TESK2: variants seen among roughly 807,000 people sequenced by gnomAD.
TESK2 encodes the protein dual specificity testis-specific protein kinase 2.
Under a neutral mutation model 57.1 loss-of-function variants are expected in TESK2, and 39 were observed. The observed-to-expected ratio is 0.68, with a 90% confidence interval of 0.53 to 0.89. TESK2 has a LOEUF of 0.89. Among genes scored for constraint, TESK2 ranks in the 40% least tolerant of loss-of-function variants. TESK2 has a pLI of 0.00. For synonymous variants in TESK2, 249 were observed against 267.9 expected, an observed-to-expected ratio of 0.93 and a Z score of 0.69; for missense variants, 646 against 732.1, an observed-to-expected ratio of 0.88 and a Z score of 1.36.
chr1:45,490,686 G>T lies in TESK2; in HGVS notation c.-87+166C>A, dbSNP rs542974658. Among the ~76,000 whole-genome samples, 346 of 152,254 alleles carry T rather than the reference G, an allele frequency of 2.3e-3. 1 individual carries two copies. The highest frequency in any genetic ancestry group is 3.4e-3 in the Middle Eastern group (1 of 294). On this transcript the variant is annotated intron_variant, in intron 1 of 10. Coordinates refer to ENST00000372086, the MANE Select transcript of TESK2 (RefSeq NM_007170.3). ...GGAAAGGGGAAAGCGGCCAGGAAGG[G>T]AGCGTCCGCCGCCGCTGAGAGGGGG...
rs560813743 is a variant in TESK2, at chr1:45,428,371, C to T, written c.223-6525G>A. On this transcript the variant is annotated intron_variant, in intron 2 of 10. Transcript: ENST00000372086. ...AGACCAACTGATTCAAGAAAAAAAG[C>T]ACTGTGTGAACATTGCATAAATATT... Among the ~76,000 whole-genome samples, 6 of 152,186 alleles carry T rather than the reference C, an allele frequency of 3.9e-5. No homozygotes were observed. The South Asian group carries it at 1.2e-3, about 32-fold the overall frequency.
chr1:45,419,511 A>AAT (rs1650376640), intron 3 of TESK2, among the ~76,000 whole-genome samples: 1 of 152,026 alleles, frequency 6.6e-6, no homozygotes, highest in Admixed American at 6.6e-5. Context: ...ATGCTCAAAA[A>AAT]ATGTGTTAAT....
chr1:45,354,277 C>T (rs952251489), intron 5 of TESK2, among the ~76,000 whole-genome samples: 14 of 151,838 alleles, frequency 9.2e-5, no homozygotes, highest in Non-Finnish European at 4.4e-5. Context: ...ACTGCTTGAG[C>T]TCACAAGTTT....
At chr1:45,395,313 A>C (rs1649313700) in intron 3 of TESK2, among the ~76,000 whole-genome samples, 1 of 152,214 alleles carries the variant, frequency 6.6e-6, no homozygotes, top group Admixed American at 6.5e-5. Flanking sequence ...TATTGATCCT[A>C]GGCTACAAGC....
chr1:45,395,004 T>G (rs1649302939), intron 3 of TESK2, among the ~76,000 whole-genome samples: 1 of 152,102 alleles, frequency 6.6e-6, no homozygotes, highest in Non-Finnish European at 1.5e-5. Context: ...CAGGAAACTC[T>G]TAACTCTGAT....
intron 1 of TESK2, among the ~76,000 whole-genome samples, chr1:45,470,366 C>T (rs1262539719): frequency 1.3e-5 from 2 of 152,160 alleles, no homozygotes; most frequent in African/African-American, 4.8e-5. Context: ...AATACAGACA[C>T]GTTTCAGGAT....
intron 4 of TESK2, among the ~76,000 whole-genome samples, chr1:45,364,126 A>C (rs1647807622): frequency 6.6e-6 from 1 of 152,168 alleles, no homozygotes; most frequent in South Asian, 2.1e-4. Flanking sequence ...TTATAGGTAA[A>C]GGTATAATAT....
At chr1:45,377,921 G>A (rs1648502126) in intron 4 of TESK2, among the ~76,000 whole-genome samples, 1 of 151,884 alleles carries the variant, frequency 6.6e-6, no homozygotes, top group Non-Finnish European at 1.5e-5. Flanking sequence ...AGCCACTTGG[G>A]AGGCTAAAGC....
intron 2 of TESK2, among the ~76,000 whole-genome samples, chr1:45,436,202 T>TTTTTTTA (rs57144942): frequency 7.8e-6 from 1 of 128,604 alleles, no homozygotes; most frequent in Non-Finnish European, 1.6e-5. Context: ...TTTTTTTTTT[T>TTTTTTTA]GAGATGGAGA....
chr1:45,367,098 C>T (rs1647952694), intron 4 of TESK2, among the ~76,000 whole-genome samples: 1 of 152,018 alleles, frequency 6.6e-6, no homozygotes, highest in Non-Finnish European at 1.5e-5. Flanking sequence ...TGCAACACTG[C>T]ACCCCAGCCT....
At chr1:45,367,782 C>T (rs932948836) in intron 4 of TESK2, among the ~76,000 whole-genome samples, 9 of 150,476 alleles carry the variant, frequency 6.0e-5, no homozygotes, top group African/African-American at 2.2e-4. Context: ...CTCAGCCTCC[C>T]GAGTAGCTGG....
At chr1:45,397,822 A>G (rs1347696064) in intron 3 of TESK2, among the ~76,000 whole-genome samples, 1 of 152,142 alleles carries the variant, frequency 6.6e-6, no homozygotes, top group Non-Finnish European at 1.5e-5. Context: ...GCTCAAGAAC[A>G]CCTCCAAATA....
At chr1:45,405,765 G>C (rs1009841221) in intron 3 of TESK2, among the ~76,000 whole-genome samples, 26 of 151,806 alleles carry the variant, frequency 1.7e-4, no homozygotes, top group African/African-American at 5.8e-4. Flanking sequence ...CTGCTACTCG[G>C]GAGGCTGAGG....
At chr1:45,379,303 C>T (rs1012176310) in intron 4 of TESK2, among the ~76,000 whole-genome samples, 10 of 152,174 alleles carry the variant, frequency 6.6e-5, no homozygotes, top group African/African-American at 1.9e-4. Flanking sequence ...GCTGGGACCA[C>T]AGGCACAAAC....
chr1:45,419,881 G>A (rs534382279), intron 3 of TESK2, among the ~76,000 whole-genome samples: 79 of 152,300 alleles, frequency 5.2e-4, no homozygotes, highest in African/African-American at 1.8e-3. Flanking sequence ...GAATATTTTT[G>A]TAGTAGACTA....
chr1:45,422,755 G>T (rs902833496), intron 2 of TESK2, among the ~76,000 whole-genome samples: 3 of 10,066 alleles, frequency 3.0e-4, no homozygotes, highest in Non-Finnish European at 5.9e-4. Context: ...ATCATGTCTG[G>T]TTTTTTGTTG....
rs1308604869 is a variant in TESK2, at chr1:45,457,616, T to A, written c.170A>T (p.Asp57Val). ...CCCTATTTTTTCACAGGTGAAATCA[T>A]CCAAACGCGTCAGTCTGGAAAAGGC... ...ISAFSRLTRL[D>V]DFTCEKIGSG... The change falls in exon 2 of 11, where the codon GAT becomes GTT. Residue 57 changes from aspartate (D) to valine (V), a missense_variant. By Grantham distance (152) the Asp-to-Val change is radical (BLOSUM62 -3). Transcript: ENST00000372086. The A allele has an allele frequency of 6.2e-7, 1 of 1,614,078 alleles. No homozygotes were observed. The highest frequency in any genetic ancestry group is 1.1e-5 in the South Asian group (1 of 91,080).
At chr1:45,464,364 C>T (rs1033629764) in intron 1 of TESK2, among the ~76,000 whole-genome samples, 1 of 149,198 alleles carries the variant, frequency 6.7e-6, no homozygotes, top group Non-Finnish European at 1.5e-5. Flanking sequence ...GCAGAGGTTG[C>T]GATGAGCCAA....
intron 4 of TESK2, among the ~76,000 whole-genome samples, chr1:45,378,970 T>G (rs962417426): frequency 5.3e-5 from 8 of 152,188 alleles, no homozygotes; most frequent in Admixed American, 1.3e-4. Context: ...AGTCCCAAAC[T>G]TGAAAGATAG....
Sources: allele counts gnomAD v4.1 joint callset (sites outside exome capture counted in the v4.1 genomes callset), GRCh38; gene constraint gnomAD v4.1.1; transcripts MANE v1.5; gene names NCBI Gene and HGNC (gene_info 2026-07-23, HGNC 2026-07-21).